Variants in ZNF654 observed in about 807,000 individuals in gnomAD.
ZNF654 encodes melanoma-associated antigen.
In ZNF654, 19 loss-of-function variants were observed where a neutral mutation model predicts 95.3. That is an observed-to-expected ratio of 0.20 (90% CI 0.14 to 0.29). The LOEUF (loss-of-function observed/expected upper bound fraction) is 0.29. Among genes scored for constraint, ZNF654 ranks in the 10% least tolerant of loss-of-function variants. The pLI, the probability that ZNF654 is intolerant of heterozygous loss-of-function variation, is 1.00. For synonymous variants in ZNF654, 413 were observed against 457.9 expected, an observed-to-expected ratio of 0.90 and a Z score of 1.25; for missense variants, 1,046 against 1,341.0, an observed-to-expected ratio of 0.78 and a Z score of 3.44.
At chr3:88,125,468 A>G (rs550933133) in intron 3 of ZNF654, among the ~76,000 whole-genome samples, 1 of 151,750 alleles carries the variant, frequency 6.6e-6, no homozygotes, top group African/African-American at 2.4e-5. Flanking sequence ...GGACAAATTC[A>G]CAACTATTGC....
At chr3:88,087,917 T>C (rs1359775739) in intron 2 of ZNF654, among the ~76,000 whole-genome samples, 1 of 152,216 alleles carries the variant, frequency 6.6e-6, no homozygotes, top group Non-Finnish European at 1.5e-5. Context: ...CGAAACTCTT[T>C]GAGTGCTAAC....
intron 1 of ZNF654, among the ~76,000 whole-genome samples, chr3:88,061,263 G>C (rs1458613637): frequency 6.6e-6 from 1 of 152,066 alleles, no homozygotes; most frequent in Non-Finnish European, 1.5e-5. Context: ...TCAACAACCA[G>C]CTACTAAAAT....
At chr3:88,069,869 G>T (rs1263687464) in intron 1 of ZNF654, among the ~76,000 whole-genome samples, 2 of 152,082 alleles carry the variant, frequency 1.3e-5, no homozygotes, top group Non-Finnish European at 2.9e-5. Context: ...TGTTTTAAAT[G>T]TTTATCCTAA....
At chr3:88,061,733 T>C (rs1166161278) in intron 1 of ZNF654, among the ~76,000 whole-genome samples, 1 of 152,218 alleles carries the variant, frequency 6.6e-6, no homozygotes, top group Non-Finnish European at 1.5e-5. Context: ...TTAATCTAAT[T>C]CCTAGTCGAA....
intron 1 of ZNF654, among the ~76,000 whole-genome samples, chr3:88,071,519 G>A (rs1308343458): frequency 1.3e-5 from 2 of 152,190 alleles, no homozygotes; most frequent in Non-Finnish European, 2.9e-5. Context: ...GGTAGCGGGC[G>A]CCTGTAGTCC....
chr3:88,068,653 A>G (rs1249254215), intron 1 of ZNF654, among the ~76,000 whole-genome samples: 1 of 152,192 alleles, frequency 6.6e-6, no homozygotes, highest in Non-Finnish European at 1.5e-5. Context: ...TATATGCTGT[A>G]TATATGTATA....
intron 2 of ZNF654, among the ~76,000 whole-genome samples, chr3:88,096,852 T>C (rs145080236): frequency 6.6e-6 from 1 of 152,236 alleles, no homozygotes; most frequent in East Asian, 1.9e-4. Context: ...AGTGTACTTA[T>C]TTTCATGAGT....
chr3:88,106,289 G>C (rs1048487489), intron 2 of ZNF654, among the ~76,000 whole-genome samples: 3 of 152,078 alleles, frequency 2.0e-5, no homozygotes, highest in Non-Finnish European at 4.4e-5. Context: ...TTATAGGGAT[G>C]TTAAGCCCTT....
chr3:88,070,737 T>C (rs532636465), intron 1 of ZNF654, among the ~76,000 whole-genome samples: 1 of 152,294 alleles, frequency 6.6e-6, no homozygotes, highest in South Asian at 2.1e-4. Flanking sequence ...TGTCAGTTCC[T>C]GTCCTAGATT....
Position 88,088,969 on chromosome 3 carries a change from C to T in ZNF654, c.332+2567C>T, listed in dbSNP as rs1248726809. ...TGTATTTTTAGTAGAGATGGGATTT[C>T]ACCATGTTGGCCAGGCTGGTTTTGA... On this transcript the variant is annotated intron_variant, in intron 2 of 8. Transcript: ENST00000636215. 6.6e-5 allele frequency among the ~76,000 whole-genome samples: 10 copies of T among 151,712 alleles called. No individual in the cohort carries two copies. The East Asian group carries it at 2.0e-3, about 30-fold the overall frequency.
At chr3:88,082,856 A>G (rs542263539) in intron 1 of ZNF654, among the ~76,000 whole-genome samples, 2 of 152,196 alleles carry the variant, frequency 1.3e-5, no homozygotes, top group Non-Finnish European at 2.9e-5. Flanking sequence ...ATTTTCTCAC[A>G]GTTCTGGAGG....
chr3:88,098,193 C>CT (rs1295147649), intron 2 of ZNF654, among the ~76,000 whole-genome samples: 7 of 152,278 alleles, frequency 4.6e-5, no homozygotes, highest in Admixed American at 4.6e-4. Context: ...TCAGAGAATA[C>CT]TATAAACACC....
intron 2 of ZNF654, among the ~76,000 whole-genome samples, chr3:88,109,686 A>G (rs569692087): frequency 4.7e-4 from 71 of 152,308 alleles, no homozygotes; most frequent in South Asian, 2.1e-4. Flanking sequence ...GGAACTGTAA[A>G]TCATTTTGTT....
chr3:88,080,324 A>C (rs899368732), intron 1 of ZNF654, among the ~76,000 whole-genome samples: 5 of 152,146 alleles, frequency 3.3e-5, no homozygotes, highest in African/African-American at 1.2e-4. Flanking sequence ...TCACTAAAGC[A>C]AGCTTAATTT....
intron 7 of ZNF654, among the ~76,000 whole-genome samples, chr3:88,138,265 GT>G (rs1330555784): frequency 1.3e-5 from 2 of 151,990 alleles, no homozygotes; most frequent in Non-Finnish European, 2.9e-5. Flanking sequence ...CCCATAAGCA[GT>G]TTTTTTAAGC....
At chr3:88,097,807 A>G (rs1704154395) in intron 2 of ZNF654, among the ~76,000 whole-genome samples, 1 of 152,228 alleles carries the variant, frequency 6.6e-6, no homozygotes, top group Non-Finnish European at 1.5e-5. Flanking sequence ...ACAACATAAC[A>G]GAATATCTGC....
chr3:88,064,247 A>AT (rs1373651475), intron 1 of ZNF654, among the ~76,000 whole-genome samples: 1 of 151,888 alleles, frequency 6.6e-6, no homozygotes, highest in Non-Finnish European at 1.5e-5. Context: ...TTTATAAGTA[A>AT]TTTTTTCCCT....
chr3:88,093,532 T>C (rs2107686422), intron 2 of ZNF654, among the ~76,000 whole-genome samples: 1 of 152,212 alleles, frequency 6.6e-6, no homozygotes, highest in East Asian at 1.9e-4. Context: ...GACTAAATGG[T>C]GTATTGGCAA....
intron 3 of ZNF654, among the ~76,000 whole-genome samples, chr3:88,117,219 T>C (rs1185565462): frequency 6.6e-6 from 1 of 152,200 alleles, no homozygotes; most frequent in East Asian, 1.9e-4. Context: ...TGTAATTTAA[T>C]TTTCAACTCA....
Sources: allele counts gnomAD v4.1 joint callset (sites outside exome capture counted in the v4.1 genomes callset), GRCh38; gene constraint gnomAD v4.1.1; transcripts MANE v1.5; gene names NCBI Gene and HGNC (gene_info 2026-07-23, HGNC 2026-07-21).